Variants in CACNB2 observed in about 807,000 individuals in gnomAD.
CACNB2 encodes voltage-dependent L-type calcium channel subunit beta-2.
A neutral mutation model predicts 73.3 loss-of-function variants in CACNB2; 42 were observed. That is an observed-to-expected ratio of 0.57 (90% CI 0.45 to 0.74). CACNB2 has a LOEUF of 0.74. CACNB2 is among the 30% of genes least tolerant of loss of function. The pLI is 0.00. For synonymous variants in CACNB2, 348 were observed against 310.3 expected (o/e 1.12, Z -1.28); for missense variants, 940 against 853.0 (o/e 1.10, Z -1.27).
rs117756580 is a variant in CACNB2 at position 18,322,653 on chromosome 10, A to G, written c.214-79271A>G. On this transcript the variant is annotated intron_variant, in intron 2 of 13. Coordinates refer to ENST00000324631, the MANE Select transcript of CACNB2 (RefSeq NM_201596.3). ...ATTAATCTCTGATTTCAAAGTGAATATGAAAGAAATAATGACTATATTTGT... is the reference window on the plus strand; with the variant it reads ...ATTAATCTCTGATTTCAAAGTGAATGTGAAAGAAATAATGACTATATTTGT... 5.9e-3 allele frequency among the ~76,000 whole-genome samples: 892 copies of G among 152,350 alleles called. 8 individuals are homozygous for G. Among genetic ancestry groups the G allele is most frequent in the Middle Eastern group, 0.02 (6 of 294 alleles).
rs113524833 is a variant in CACNB2, at chr10:18,168,569, T to G, written c.213+17594T>G. Among the ~76,000 whole-genome samples the G allele has an allele frequency of 1.9e-3, 295 of 152,134 alleles. 2 individuals are homozygous for G. The highest frequency in any genetic ancestry group is 6.6e-3 in the African/African-American group (274 of 41,524). ...TTGTTTTATGGAGTAAGGAGCTAAATTTTGAATATATGAAGCACCTCACAC... is the reference window on the plus strand; with the variant it reads ...TTGTTTTATGGAGTAAGGAGCTAAAGTTTGAATATATGAAGCACCTCACAC... On this transcript the variant is annotated intron_variant, in intron 2 of 13. Transcript: ENST00000324631.
At chr10:18,251,294 G>C (rs1409172422) in intron 2 of CACNB2, among the ~76,000 whole-genome samples, 1 of 151,822 alleles carries the variant, frequency 6.6e-6, no homozygotes, top group African/African-American at 2.4e-5. Context: ...GCCCAGGCTG[G>C]AATGTGATGG....
At chr10:18,275,056 G>A (rs1277731) in intron 2 of CACNB2, among the ~76,000 whole-genome samples, 30,795 of 152,136 alleles carry the variant, frequency 0.2, 3,432 homozygotes, top group South Asian at 0.29. Context: ...TTGATTGGCT[G>A]TTCTGTGTTT....
chr10:18,468,583 G>A (rs961345075), intron 3 of CACNB2, among the ~76,000 whole-genome samples: 3 of 152,050 alleles, frequency 2.0e-5, no homozygotes, highest in Non-Finnish European at 2.9e-5. Flanking sequence ...CAGACTGAGC[G>A]TCTGATTTTT....
intron 2 of CACNB2, among the ~76,000 whole-genome samples, chr10:18,301,412 T>C (rs2039504550): frequency 6.6e-6 from 1 of 150,672 alleles, no homozygotes; most frequent in East Asian, 2.0e-4. Context: ...CTGGGCCACA[T>C]AGCAAGACCC....
chr10:18,291,168 T>A (rs2039053739), intron 2 of CACNB2, among the ~76,000 whole-genome samples: 1 of 152,228 alleles, frequency 6.6e-6, no homozygotes, highest in Non-Finnish European at 1.5e-5. Flanking sequence ...AGACTATGTA[T>A]TATTTATTGA....
intron 2 of CACNB2, among the ~76,000 whole-genome samples, chr10:18,239,750 G>A (rs2036578830): frequency 6.6e-6 from 1 of 152,154 alleles, no homozygotes; most frequent in Non-Finnish European, 1.5e-5. Context: ...GTAGAGAAGT[G>A]TTCTAAATAC....
intron 2 of CACNB2, chr10:18,261,878 GCTGT>G (rs1354624589): frequency 9.8e-5 from 50 of 512,314 alleles, no homozygotes; most frequent in South Asian, 5.7e-4. Flanking sequence ...TTGCAAAATG[GCTGT>G]CTGAGTATTA....
chr10:18,297,614 G>A (rs2039330968), intron 2 of CACNB2, among the ~76,000 whole-genome samples: 1 of 152,170 alleles, frequency 6.6e-6, no homozygotes, highest in Admixed American at 6.5e-5. Flanking sequence ...CAGGCCGACT[G>A]AATTCCTCCA....
At chr10:18,230,114 T>G (rs1564362021) in intron 2 of CACNB2, among the ~76,000 whole-genome samples, 1 of 152,332 alleles carries the variant, frequency 6.6e-6, no homozygotes, top group East Asian at 1.9e-4. Flanking sequence ...TAGGAAATTA[T>G]TGACATCATA....
At chr10:18,382,972 G>T (rs955347306) in intron 2 of CACNB2, among the ~76,000 whole-genome samples, 7 of 152,130 alleles carry the variant, frequency 4.6e-5, no homozygotes, top group African/African-American at 1.7e-4. Context: ...CACAAGCTTG[G>T]TGTCTCTTCT....
At chr10:18,360,603 C>G (rs997706390) in intron 2 of CACNB2, among the ~76,000 whole-genome samples, 4 of 152,102 alleles carry the variant, frequency 2.6e-5, no homozygotes, top group African/African-American at 7.2e-5. Context: ...TGAGGCAGAC[C>G]TATTGTTTTT....
chr10:18,414,103 G>A (rs1326507482), intron 3 of CACNB2, among the ~76,000 whole-genome samples: 1 of 152,240 alleles, frequency 6.6e-6, no homozygotes, highest in Admixed American at 6.5e-5. Flanking sequence ...CCTGGGATAT[G>A]ACTGGCATTG....
intron 1 of CACNB2, among the ~76,000 whole-genome samples, chr10:18,144,261 G>T (rs1019287783): frequency 6.6e-6 from 1 of 152,036 alleles, no homozygotes; most frequent in Non-Finnish European, 1.5e-5. Context: ...TGTATTTTTA[G>T]TAGAGACGAG....
intron 3 of CACNB2, among the ~76,000 whole-genome samples, chr10:18,413,091 C>T (rs1393411182): frequency 6.6e-6 from 1 of 152,248 alleles, no homozygotes; most frequent in Non-Finnish European, 1.5e-5. Context: ...CTGCCTCAGC[C>T]TTCCAAGTAG....
Position 18,140,581 on chromosome 10 carries a change from C to G in CACNB2, c.-156C>G. 1 of 485,014 alleles carries G rather than the reference C, an allele frequency of 2.1e-6. No homozygotes were observed. Among genetic ancestry groups the G allele is most frequent in the Non-Finnish European group, 3.4e-6 (1 of 295,582 alleles). The allele number at this position is 485,014 out of a possible 1,614,324, so 30.0% of individuals were successfully genotyped here. A position where few individuals can be genotyped will look rare whatever the true frequency, so the allele number is the denominator to read the frequency against. ...CACTGAGCGCCTGGCAGCAGGGCGCCGAGTCCCGGGGCGCTGCGGGGCGCT... is the reference window on the plus strand; with the variant it reads ...CACTGAGCGCCTGGCAGCAGGGCGCGGAGTCCCGGGGCGCTGCGGGGCGCT... On this transcript the variant is annotated 5_prime_UTR_variant, in exon 1 of 14. Coordinates refer to ENST00000324631, the MANE Select transcript of CACNB2 (RefSeq NM_201596.3).
intron 3 of CACNB2, among the ~76,000 whole-genome samples, chr10:18,421,372 C>T (rs1255154367): frequency 6.6e-6 from 1 of 151,746 alleles, no homozygotes; most frequent in African/African-American, 2.4e-5. Context: ...ATCTTGGCCC[C>T]CTGCAACCTC....
At chr10:18,297,662 C>A (rs1489801941) in intron 2 of CACNB2, among the ~76,000 whole-genome samples, 1 of 152,208 alleles carries the variant, frequency 6.6e-6, no homozygotes. Context: ...CCAACCTGAG[C>A]CCAGGGCTGC....
intron 2 of CACNB2, among the ~76,000 whole-genome samples, chr10:18,236,300 C>T (rs1489678868): frequency 6.6e-6 from 1 of 152,160 alleles, no homozygotes; most frequent in Non-Finnish European, 1.5e-5. Flanking sequence ...AACACAGAGG[C>T]ACGATCGGCT....
Sources: gnomAD v4.1 joint callset for allele counts (sites outside exome capture counted in the v4.1 genomes callset) on GRCh38, gnomAD v4.1.1 for gene constraint, MANE v1.5 for transcripts, NCBI Gene and HGNC (gene_info 2026-07-23, HGNC 2026-07-21) for gene names.